Variants in EYS observed in about 807,000 individuals in gnomAD.
EYS encodes the protein EGF-like photoreceptor maintenance factor.
In EYS, 250 loss-of-function variants were observed where a neutral mutation model predicts 282.1. The ratio of observed to expected loss-of-function variants is 0.89; its 90% CI spans 0.80 to 0.98. The LOEUF (loss-of-function observed/expected upper bound fraction) is 0.98, where lower values mean the gene tolerates loss of function less well. Among genes scored for constraint, EYS ranks in the 50% least tolerant of loss-of-function variants. The pLI is 0.00. For synonymous variants in EYS, 1,355 were observed against 1,282.9 expected (o/e 1.06, Z -1.20); for missense variants, 4,016 against 3,709.0 (o/e 1.08, Z -2.15).
rs1237183803 is a variant in EYS at position 64,757,841 on chromosome 6, C to G, written c.3443+55537G>C. On this transcript the variant is annotated intron_variant, in intron 22 of 42. Transcript: ENST00000503581. ...GCTCTGTCGCCCAGGCAGAAGTGCACTGGCGCGATCTCGGCTCACTGCAAG... is the reference window on the plus strand; with the variant it reads ...GCTCTGTCGCCCAGGCAGAAGTGCAGTGGCGCGATCTCGGCTCACTGCAAG... Among the ~76,000 whole-genome samples, 3 of 151,888 alleles carry G rather than the reference C, an allele frequency of 2.0e-5. No homozygotes were observed. The East Asian group carries it at 5.9e-4, about 30-fold the overall frequency.
chr6:64,668,543 CTTTTTTTT>C (rs35765768), intron 22 of EYS, among the ~76,000 whole-genome samples: 1 of 76,154 alleles, frequency 1.3e-5, no homozygotes, highest in African/African-American at 5.2e-5. Context: ...TACCACAATT[CTTTTTTTT>C]TTTTTTTTTT....
At chr6:64,019,679 G>C (rs534903134) in intron 33 of EYS, among the ~76,000 whole-genome samples, 132 of 152,068 alleles carry the variant, frequency 8.7e-4, no homozygotes, top group African/African-American at 3.0e-3. Flanking sequence ...AAAGTGCTGG[G>C]ATTACAGGCA....
At chr6:65,419,865 T>C (rs1339217990) in intron 5 of EYS, among the ~76,000 whole-genome samples, 1 of 151,974 alleles carries the variant, frequency 6.6e-6, no homozygotes, top group Non-Finnish European at 1.5e-5. Context: ...CACAAATGTT[T>C]TGGCTTCCCA....
At chr6:64,253,828 C>T (rs55924526) in intron 30 of EYS, among the ~76,000 whole-genome samples, 2 of 71,678 alleles carry the variant, frequency 2.8e-5, no homozygotes, top group Non-Finnish European at 5.9e-5. Flanking sequence ...TTCATCTTTT[C>T]TTCCCCCCAA....
At chr6:65,645,687 G>C (rs1383460138) in intron 1 of EYS, among the ~76,000 whole-genome samples, 1 of 149,660 alleles carries the variant, frequency 6.7e-6, no homozygotes, top group Non-Finnish European at 1.5e-5. Flanking sequence ...TATAAGATCA[G>C]AACTAAATGA....
intron 13 of EYS, among the ~76,000 whole-genome samples, chr6:65,048,813 C>T (rs1773181653): frequency 6.6e-6 from 1 of 151,808 alleles, no homozygotes; most frequent in Non-Finnish European, 1.5e-5. Flanking sequence ...TTACTTTACA[C>T]ATCTGAACAC....
intron 33 of EYS, among the ~76,000 whole-genome samples, chr6:64,032,552 G>A (rs750792754): frequency 6.6e-6 from 1 of 152,270 alleles, no homozygotes; most frequent in Admixed American, 6.5e-5. Context: ...CAGACCCTAC[G>A]GGTTAAGGGC....
rs1774767504 is a variant in EYS at position 64,152,261 on chromosome 6, T to C, written c.6425-70259A>G. ...TTGTAAAAATAATGGTTTCCAAATA[T>C]AATGTTTAGATTATGAGGAAGAAAA... On this transcript the variant is annotated intron_variant, in intron 31 of 42. Transcript: ENST00000503581. Among the ~76,000 whole-genome samples, 8 of 152,188 alleles carry C rather than the reference T, an allele frequency of 5.3e-5. No individual in the cohort carries two copies. In the South Asian group the frequency reaches 1.7e-3, roughly 31 times the overall value.
intron 33 of EYS, among the ~76,000 whole-genome samples, chr6:63,999,442 C>T (rs867153578): frequency 5.9e-5 from 9 of 152,178 alleles, no homozygotes; most frequent in Middle Eastern, 3.4e-3. Context: ...GTTAAACCTC[C>T]CACAAAATAA....
At position 64,758,819 on chromosome 6, in the gene EYS, T is replaced by C. The variant is rs376367111; in HGVS notation, c.3443+54559A>G. Among the ~76,000 whole-genome samples, 16 of 152,236 alleles carry C rather than the reference T, an allele frequency of 1.1e-4. No individual in the cohort carries two copies. In the East Asian group the frequency reaches 2.7e-3, roughly 26 times the overall value. ...AATCAATTTGGATGGGGAGAAAAGA[T>C]AAAACTCTATCACCAATGATAGTAG... On this transcript the variant is annotated intron_variant, in intron 22 of 42. Coordinates refer to ENST00000503581, the MANE Select transcript of EYS (RefSeq NM_001142800.2).
intron 26 of EYS, among the ~76,000 whole-genome samples, chr6:64,510,860 C>T (rs193232599): frequency 1.2e-4 from 18 of 152,108 alleles, no homozygotes; most frequent in South Asian, 6.2e-4. Flanking sequence ...TGTTTCTCTC[C>T]GGCAATGCCT....
chr6:65,460,932 G>A (rs1231384180), intron 5 of EYS, among the ~76,000 whole-genome samples: 2 of 151,952 alleles, frequency 1.3e-5, no homozygotes, highest in East Asian at 3.9e-4. Flanking sequence ...TTTACTAAAT[G>A]ATCCATAATA....
chr6:65,628,249 C>A (rs1582540047), intron 2 of EYS, among the ~76,000 whole-genome samples: 1 of 152,134 alleles, frequency 6.6e-6, no homozygotes, highest in Non-Finnish European at 1.5e-5. Context: ...TCTAGCTGCT[C>A]TGGTGGGGCC....
intron 14 of EYS, among the ~76,000 whole-genome samples, chr6:64,948,322 T>C (rs1033354077): frequency 6.6e-6 from 1 of 151,148 alleles, no homozygotes; most frequent in Non-Finnish European, 1.5e-5. Context: ...AATTTAGACA[T>C]TCTTGCTGCA....
At chr6:65,287,834 G>A (rs902891346) in intron 12 of EYS, among the ~76,000 whole-genome samples, 7 of 151,172 alleles carry the variant, frequency 4.6e-5, no homozygotes, top group African/African-American at 1.7e-4. Context: ...CTTCCAAAGT[G>A]AAGAAAAACT....
intron 15 of EYS, among the ~76,000 whole-genome samples, chr6:64,926,026 T>A (rs1384197545): frequency 6.6e-6 from 1 of 152,170 alleles, no homozygotes; most frequent in Non-Finnish European, 1.5e-5. Context: ...TGGGACCTGC[T>A]GTGCTCTCGT....
intron 12 of EYS, among the ~76,000 whole-genome samples, chr6:65,209,918 AAG>A (rs1766131375): frequency 6.6e-6 from 1 of 151,968 alleles, no homozygotes; most frequent in African/African-American, 2.4e-5. Context: ...TTAAGAGAGT[AAG>A]AAAGTCTGTA....
intron 12 of EYS, among the ~76,000 whole-genome samples, chr6:65,164,484 GCTT>G (rs1211974459): frequency 2.7e-5 from 4 of 150,826 alleles, no homozygotes; most frequent in Admixed American, 6.6e-5. Context: ...CATTTTCTCT[GCTT>G]CTTTTTTTAT....
chr6:65,436,757 A>G (rs1162376841), intron 5 of EYS, among the ~76,000 whole-genome samples: 1 of 152,158 alleles, frequency 6.6e-6, no homozygotes, highest in East Asian at 1.9e-4. Flanking sequence ...AAAGATGTTC[A>G]AGATATGTAT....
Sources: allele counts gnomAD v4.1 joint callset (sites outside exome capture counted in the v4.1 genomes callset), GRCh38; gene constraint gnomAD v4.1.1; transcripts MANE v1.5; gene names NCBI Gene and HGNC (gene_info 2026-07-23, HGNC 2026-07-21).